MIR2052HG: variants seen among roughly 807,000 people sequenced by gnomAD.
MIR2052HG encodes MIR2052 host gene.
intron 4 of MIR2052HG, among the ~76,000 whole-genome samples, chr8:74,728,644 G>T (rs531971652): frequency 6.6e-6 from 1 of 152,008 alleles, no homozygotes; most frequent in Non-Finnish European, 1.5e-5. Context: ...GACCTATTTG[G>T]GTATATTGAG....
At chr8:74,633,484 CTGT>C (rs1808544699) in intron 2 of MIR2052HG, among the ~76,000 whole-genome samples, 5 of 152,310 alleles carry the variant, frequency 3.3e-5, no homozygotes, top group Admixed American at 3.3e-4. Context: ...TTTGTTGTTG[CTGT>C]TGTTCTGGCT....
chr8:74,604,455 TGGAGGAGGA>T (rs577633429), intron 1 of MIR2052HG, among the ~76,000 whole-genome samples: 2 of 65,774 alleles, frequency 3.0e-5, no homozygotes, highest in Non-Finnish European at 5.5e-5. Context: ...GAAGGTGGGG[TGGAGGAGGA>T]GGAGGAGGAA....
intron 2 of MIR2052HG, among the ~76,000 whole-genome samples, chr8:74,617,481 GTGTGTGTA>G (rs758469282): frequency 2.1e-5 from 3 of 140,570 alleles, no homozygotes; most frequent in Non-Finnish European, 3.1e-5. Context: ...GTGTGTGTGT[GTGTGTGTA>G]TACATACATA....
intron 4 of MIR2052HG, among the ~76,000 whole-genome samples, chr8:74,744,628 A>G (rs921741604): frequency 5.9e-5 from 9 of 152,024 alleles, no homozygotes; most frequent in African/African-American, 2.2e-4. Flanking sequence ...TTCCAATTTC[A>G]TCCATGTCCC....
chr8:74,676,143 A>G (rs1342515294), intron 2 of MIR2052HG, among the ~76,000 whole-genome samples: 1 of 152,088 alleles, frequency 6.6e-6, no homozygotes, highest in African/African-American at 2.4e-5. Context: ...ATGTTTTTTC[A>G]AAAGAACTAA....
chr8:74,713,763 CATT>C (rs2128741944), intron 4 of MIR2052HG, among the ~76,000 whole-genome samples: 1 of 152,094 alleles, frequency 6.6e-6, no homozygotes, highest in Non-Finnish European at 1.5e-5. Flanking sequence ...ATAAATTTTG[CATT>C]ATTCTCTAAC....
At chr8:74,693,124 C>A (rs905289341) in intron 2 of MIR2052HG, among the ~76,000 whole-genome samples, 1 of 152,138 alleles carries the variant, frequency 6.6e-6, no homozygotes, top group Non-Finnish European at 1.5e-5. Context: ...TGATCATGGG[C>A]AACTCAATGT....
At chr8:74,632,266 T>A (rs535245506) in intron 2 of MIR2052HG, among the ~76,000 whole-genome samples, 1 of 152,142 alleles carries the variant, frequency 6.6e-6, no homozygotes, top group South Asian at 2.1e-4. Flanking sequence ...ACTGCACAGG[T>A]TTCTCCAAGA....
Position 74,709,753 on chromosome 8 carries a change from C to T in MIR2052HG, n.371+6071C>T, listed in dbSNP as rs556130835. On this transcript the variant is annotated intron_variant and non_coding_transcript_variant, in intron 4 of 6. Coordinates refer to ENST00000523442, the Ensembl canonical transcript of MIR2052HG. ...CCTCAAGTATTTCATGTGTGCTGTGCTTATGGGGTTGGGCTGAGTTCTGGC... is the reference window on the plus strand; with the variant it reads ...CCTCAAGTATTTCATGTGTGCTGTGTTTATGGGGTTGGGCTGAGTTCTGGC... Among the ~76,000 whole-genome samples, 6 of 152,168 alleles carry T rather than the reference C, an allele frequency of 3.9e-5. No individual in the cohort carries two copies. The East Asian group carries it at 7.7e-4, about 20-fold the overall frequency.
At chr8:74,728,311 G>A (rs1039045316) in intron 4 of MIR2052HG, among the ~76,000 whole-genome samples, 4 of 152,116 alleles carry the variant, frequency 2.6e-5, no homozygotes, top group African/African-American at 7.2e-5. Flanking sequence ...TTCTTTCCTC[G>A]GCTTCACTTA....
At chr8:74,711,259 G>A (rs1221351129) in intron 4 of MIR2052HG, among the ~76,000 whole-genome samples, 1 of 152,128 alleles carries the variant, frequency 6.6e-6, no homozygotes, top group Non-Finnish European at 1.5e-5. Flanking sequence ...GGTATAATTA[G>A]ATATTCATGT....
At chr8:74,686,017 C>T (rs1809177051) in intron 2 of MIR2052HG, among the ~76,000 whole-genome samples, 1 of 151,838 alleles carries the variant, frequency 6.6e-6, no homozygotes, top group Non-Finnish European at 1.5e-5. Context: ...TTTATTATAT[C>T]CATGATAACT....
At chr8:74,738,098 G>A (rs531377595) in intron 4 of MIR2052HG, among the ~76,000 whole-genome samples, 1 of 145,940 alleles carries the variant, frequency 6.9e-6, no homozygotes, top group South Asian at 2.2e-4. Flanking sequence ...ATGTATGTAT[G>A]TATCTGTTAT....
chr8:74,744,378 G>T (rs926697717), intron 4 of MIR2052HG, among the ~76,000 whole-genome samples: 1 of 151,362 alleles, frequency 6.6e-6, no homozygotes, highest in South Asian at 2.1e-4. Context: ...ACAATGTGCA[G>T]GTTAGTTACA....
At chr8:74,619,870 G>T (rs1033527935) in intron 2 of MIR2052HG, among the ~76,000 whole-genome samples, 1 of 152,084 alleles carries the variant, frequency 6.6e-6, no homozygotes, top group African/African-American at 2.4e-5. Context: ...TCCAACAGTT[G>T]CCCAGAGTCT....
At chr8:74,676,179 T>A (rs1196702195) in intron 2 of MIR2052HG, among the ~76,000 whole-genome samples, 1 of 151,952 alleles carries the variant, frequency 6.6e-6, no homozygotes, top group African/African-American at 2.4e-5. Flanking sequence ...GCCAACAGAT[T>A]TTACTAAAGG....
chr8:74,648,397 T>G (rs566834554), intron 2 of MIR2052HG, among the ~76,000 whole-genome samples: 1 of 152,312 alleles, frequency 6.6e-6, no homozygotes, highest in East Asian at 1.9e-4. Context: ...TGTTTCCTGT[T>G]AAGATGTTTA....
intron 2 of MIR2052HG, among the ~76,000 whole-genome samples, chr8:74,618,743 A>T (rs2128732358): frequency 6.6e-6 from 1 of 152,354 alleles, no homozygotes; most frequent in Middle Eastern, 3.4e-3. Flanking sequence ...CAAGACAAAG[A>T]TGCGCACTCT....
intron 2 of MIR2052HG, among the ~76,000 whole-genome samples, chr8:74,694,927 T>G (rs2128740244): frequency 6.6e-6 from 1 of 152,238 alleles, no homozygotes; most frequent in African/African-American, 2.4e-5. Context: ...ATAAAAGTTC[T>G]CCAGCCTTGC....
Sources: allele counts gnomAD v4.1 joint callset (sites outside exome capture counted in the v4.1 genomes callset), GRCh38; gene constraint gnomAD v4.1.1; transcripts MANE v1.5; gene names NCBI Gene and HGNC (gene_info 2026-07-23, HGNC 2026-07-21).